Variants in GRIK4 observed in about 807,000 individuals in gnomAD.
GRIK4 encodes glutamate receptor ionotropic, kainate 4.
Under a neutral mutation model 104.9 loss-of-function variants are expected in GRIK4, and 40 were observed. The ratio of observed to expected loss-of-function variants is 0.38; its 90% CI spans 0.30 to 0.50. The LOEUF (loss-of-function observed/expected upper bound fraction) is 0.50, where lower values mean the gene tolerates loss of function less well. Ranked by LOEUF, GRIK4 falls within the 20% of genes least tolerant of loss-of-function variation. The probability of loss-of-function intolerance (pLI) is 0.93; values close to 1 mark genes in which losing one functional copy is unlikely to be tolerated. For missense variants in GRIK4, 1,047 were observed against 1,308.1 expected (o/e 0.80, Z 3.08); for synonymous variants, 485 against 524.9 (o/e 0.92, Z 1.04).
chr11:120,823,609 T>G (rs951675626), intron 6 of GRIK4, among the ~76,000 whole-genome samples: 4 of 152,118 alleles, frequency 2.6e-5, no homozygotes, highest in African/African-American at 9.7e-5. Context: ...CCTTCCACCA[T>G]CATGGTCTGC....
At chr11:120,523,689 C>T (rs115502589) in intron 1 of GRIK4, among the ~76,000 whole-genome samples, 2,135 of 152,194 alleles carry the variant, frequency 0.014, 52 homozygotes, top group African/African-American at 0.049. Flanking sequence ...CGGTGTTGCC[C>T]GGGTCTGCCT....
At chr11:120,523,021 G>A (rs1947813625) in intron 1 of GRIK4, among the ~76,000 whole-genome samples, 1 of 151,702 alleles carries the variant, frequency 6.6e-6, no homozygotes, top group African/African-American at 2.4e-5. Flanking sequence ...TGGTGGTGGG[G>A]TCCTGGGGAC....
At chr11:120,864,790 A>G (rs1326869311) in intron 9 of GRIK4, among the ~76,000 whole-genome samples, 2 of 152,280 alleles carry the variant, frequency 1.3e-5, no homozygotes, top group South Asian at 2.1e-4. Context: ...AGGATCCAGC[A>G]CAAAGGCCAG....
intron 1 of GRIK4, among the ~76,000 whole-genome samples, chr11:120,531,288 G>A (rs1260572410): frequency 6.6e-6 from 1 of 152,216 alleles, no homozygotes; most frequent in East Asian, 1.9e-4. Flanking sequence ...TGTTGTGCCT[G>A]GTTCATGCAT....
At chr11:120,670,867 C>T (rs1950005395) in intron 3 of GRIK4, among the ~76,000 whole-genome samples, 1 of 152,174 alleles carries the variant, frequency 6.6e-6, no homozygotes, top group South Asian at 2.1e-4. Context: ...TCCCCCACCC[C>T]TCGACAGGCC....
At chr11:120,928,940 C>T (rs1200196765) in intron 13 of GRIK4, among the ~76,000 whole-genome samples, 1 of 151,780 alleles carries the variant, frequency 6.6e-6, no homozygotes, top group African/African-American at 2.4e-5. Context: ...CAAACATGGG[C>T]TCGCACTGGT....
intron 3 of GRIK4, among the ~76,000 whole-genome samples, chr11:120,773,193 A>T (rs1463496189): frequency 1.3e-5 from 2 of 152,232 alleles, no homozygotes; most frequent in Non-Finnish European, 2.9e-5. Flanking sequence ...GAAGGAGCAG[A>T]GACAGCCTTT....
intron 1 of GRIK4, among the ~76,000 whole-genome samples, chr11:120,582,416 A>G (rs1336064970): frequency 6.6e-6 from 1 of 152,014 alleles, no homozygotes; most frequent in Admixed American, 6.6e-5. Context: ...CGCCGAGGTA[A>G]TAAGTATAGT....
At chr11:120,606,510 G>C (rs1043111383) in intron 1 of GRIK4, among the ~76,000 whole-genome samples, 1 of 152,230 alleles carries the variant, frequency 6.6e-6, no homozygotes, top group Non-Finnish European at 1.5e-5. Context: ...GGGAGAAACT[G>C]TGTCCTCCCA....
At chr11:120,644,011 C>CTGTATGTG (rs1555150754) in intron 1 of GRIK4, among the ~76,000 whole-genome samples, 2 of 122,928 alleles carry the variant, frequency 1.6e-5, no homozygotes, top group East Asian at 4.4e-4. Context: ...GGGAGAGGGT[C>CTGTATGTG]TGTGTGTGTG....
chr11:120,880,102 T>A (rs904527333), intron 11 of GRIK4, among the ~76,000 whole-genome samples: 5 of 152,208 alleles, frequency 3.3e-5, no homozygotes, highest in African/African-American at 1.2e-4. Flanking sequence ...AGATCTAAAC[T>A]TTTTCTGTTG....
At chr11:120,763,611 T>C (rs1202169918) in intron 3 of GRIK4, among the ~76,000 whole-genome samples, 1 of 152,190 alleles carries the variant, frequency 6.6e-6, no homozygotes, top group Non-Finnish European at 1.5e-5. Flanking sequence ...AAACATTGCT[T>C]TAGCTTTGTC....
At chr11:120,525,366 G>A (rs555024992) in intron 1 of GRIK4, among the ~76,000 whole-genome samples, 166 of 152,194 alleles carry the variant, frequency 1.1e-3, no homozygotes, top group African/African-American at 3.7e-3. Context: ...TTCATTAGAC[G>A]GACTCACCAG....
At chr11:120,633,146 A>T (rs1395232071) in intron 1 of GRIK4, among the ~76,000 whole-genome samples, 1 of 152,084 alleles carries the variant, frequency 6.6e-6, no homozygotes, top group Non-Finnish European at 1.5e-5. Context: ...AACCAAGAAC[A>T]TTATATGTTC....
intron 2 of GRIK4, among the ~76,000 whole-genome samples, chr11:120,658,151 C>T (rs1268859397): frequency 1.4e-5 from 2 of 142,256 alleles, no homozygotes; most frequent in African/African-American, 6.2e-5. Flanking sequence ...ATCTTTTGTA[C>T]CAGTCTTTTT....
intron 1 of GRIK4, among the ~76,000 whole-genome samples, chr11:120,576,962 G>A (rs111752240): frequency 0.014 from 2,163 of 152,300 alleles, 53 homozygotes; most frequent in African/African-American, 0.047. Context: ...CTAAGCTTGC[G>A]CTTTCCTTCA....
chr11:120,742,229 C>G (rs918916637), intron 3 of GRIK4, among the ~76,000 whole-genome samples: 3 of 151,830 alleles, frequency 2.0e-5, no homozygotes, highest in Admixed American at 2.0e-4. Flanking sequence ...GCCTTTAGTC[C>G]CAGTCACTTG....
chr11:120,796,008 T>C (rs1952505048), intron 3 of GRIK4, among the ~76,000 whole-genome samples: 1 of 147,886 alleles, frequency 6.8e-6, no homozygotes, highest in Non-Finnish European at 1.5e-5. Flanking sequence ...ATTATTGTAT[T>C]GTTATTTTTT....
rs570641559 is a variant in GRIK4 at position 120,802,722 on chromosome 11, A to G, written c.112A>G (p.Ser38Gly). 1 of 1,614,084 alleles carries G rather than the reference A, an allele frequency of 6.2e-7. No individual in the cohort carries two copies. Among genetic ancestry groups the G allele is most frequent in the South Asian group, 1.1e-5 (1 of 91,078 alleles). ...TATCTTGGACGACCCCATGGAGTGC[A>G]GCAGAGGGGAGCGGCTCTCCATCAC... Reference protein sequence around the residue: ...AAILDDPMECSRGERLSITLA... With the variant: ...AAILDDPMECGRGERLSITLA... The change falls in exon 4 of 21, where the codon AGC (serine) becomes GGC (glycine). Residue 38 changes from serine (S) to glycine (G), a missense_variant. Around this residue, in one of 3 missense-constraint regions of GRIK4, gnomAD observed 447 missense variants for 514.9 expected, o/e 0.87. Coordinates refer to ENST00000527524, the MANE Select transcript of GRIK4 (RefSeq NM_014619.5).
Sources: gnomAD v4.1 joint callset for allele counts (sites outside exome capture counted in the v4.1 genomes callset) on GRCh38, gnomAD v4.1.1 for gene constraint, gnomAD v4.1.1 regional missense constraint, MANE v1.5 for transcripts, NCBI Gene and HGNC (gene_info 2026-07-23, HGNC 2026-07-21) for gene names.